PTPRT: variants seen among roughly 807,000 people sequenced by gnomAD.
PTPRT encodes the protein protein tyrosine phosphatase receptor type T, also known as receptor-type tyrosine-protein phosphatase T.
A neutral mutation model predicts 176.8 loss-of-function variants in PTPRT; 56 were observed. The observed-to-expected ratio is 0.32, with a 90% CI of 0.26 to 0.40. The LOEUF (loss-of-function observed/expected upper bound fraction) is 0.40. PTPRT is among the 10% of genes least tolerant of loss of function. The pLI, the probability that PTPRT is intolerant of heterozygous loss-of-function variation, is 1.00. For synonymous variants in PTPRT, 783 were observed against 739.0 expected, an observed-to-expected ratio of 1.06 and a Z score of -0.96; for missense variants, 1,540 against 1,908.2, an observed-to-expected ratio of 0.81 and a Z score of 3.60.
chr20:42,544,317 A>G (rs1038855601), intron 7 of PTPRT, among the ~76,000 whole-genome samples: 1 of 152,126 alleles, frequency 6.6e-6, no homozygotes, highest in African/African-American at 2.4e-5. Context: ...TTCACCTTAC[A>G]CTTCTGTTAT....
At chr20:42,555,237 T>C (rs1440866581) in intron 7 of PTPRT, among the ~76,000 whole-genome samples, 1 of 152,206 alleles carries the variant, frequency 6.6e-6, no homozygotes, top group African/African-American at 2.4e-5. Flanking sequence ...ACATCATCCA[T>C]TGTTTATCTT....
chr20:42,375,430 A>G (rs1040099175), intron 9 of PTPRT, among the ~76,000 whole-genome samples: 1 of 152,144 alleles, frequency 6.6e-6, no homozygotes, highest in African/African-American at 2.4e-5. Flanking sequence ...TGGTTTTGCC[A>G]TCGTAAAAGG....
chr20:42,472,131 A>C, intron 8 of PTPRT, 135 bp downstream of exon 8: 2 of 990,790 alleles, frequency 2.0e-6, no homozygotes, highest in Non-Finnish European at 2.9e-6. Flanking sequence ...TCCTTCATTG[A>C]AGGCCTAAGA....
At chr20:42,594,272 C>T (rs944415833) in intron 7 of PTPRT, among the ~76,000 whole-genome samples, 4 of 152,122 alleles carry the variant, frequency 2.6e-5, no homozygotes. Context: ...CGCTGTCAAT[C>T]CAGATCCTGT....
chr20:42,816,531 A>G (rs2077789333), intron 2 of PTPRT, among the ~76,000 whole-genome samples: 1 of 152,174 alleles, frequency 6.6e-6, no homozygotes. Flanking sequence ...TAATCCCCAC[A>G]TGTCGAGGAA....
At position 42,140,717 on chromosome 20, in the gene PTPRT, C is replaced by T. The variant is rs796993914; in HGVS notation, c.2770+1198G>A. The stretch of plus-strand genomic sequence containing the variant: ...CAAAATGGACATCTGATCATGCCCA[C>T]CTCTCCCCAACCAACCTGCCTTATT... On this transcript the variant is annotated intron_variant, in intron 18 of 30. Coordinates refer to ENST00000373187, the MANE Select transcript of PTPRT (RefSeq NM_007050.6). Among the ~76,000 whole-genome samples, 99 of 152,254 alleles carry T rather than the reference C, an allele frequency of 6.5e-4. 1 individual carries two copies. Among genetic ancestry groups the T allele is most frequent in the African/African-American group, 2.3e-3 (97 of 41,556 alleles).
intron 12 of PTPRT, among the ~76,000 whole-genome samples, chr20:42,286,090 A>G (rs991654547): frequency 1.3e-5 from 2 of 152,032 alleles, no homozygotes; most frequent in Non-Finnish European, 2.9e-5. Context: ...TTGAAGGGAA[A>G]CAAATAGAAA....
chr20:42,455,199 G>GA (rs1435027798), intron 8 of PTPRT, among the ~76,000 whole-genome samples: 2 of 152,114 alleles, frequency 1.3e-5, no homozygotes, highest in Non-Finnish European at 2.9e-5. Flanking sequence ...AAGCAAAAAA[G>GA]AAAAATACTA....
intron 15 of PTPRT, among the ~76,000 whole-genome samples, chr20:42,211,899 A>G (rs918582256): frequency 4.0e-5 from 6 of 151,530 alleles, no homozygotes; most frequent in African/African-American, 1.5e-4. Context: ...AACCAACCCA[A>G]ATGTCCAACA....
At chr20:42,419,931 A>G (rs1407528857) in intron 9 of PTPRT, among the ~76,000 whole-genome samples, 1 of 152,192 alleles carries the variant, frequency 6.6e-6, no homozygotes, top group Admixed American at 6.5e-5. Flanking sequence ...GGAGCAATGC[A>G]GCCACAAGCC....
At chr20:43,170,169 T>C (rs562748013) in intron 1 of PTPRT, among the ~76,000 whole-genome samples, 111 of 149,378 alleles carry the variant, frequency 7.4e-4, no homozygotes, top group Non-Finnish European at 1.4e-3. Context: ...ATACTCGATA[T>C]ATATACGGGG....
intron 12 of PTPRT, among the ~76,000 whole-genome samples, chr20:42,297,505 T>C (rs908891718): frequency 6.6e-6 from 1 of 152,298 alleles, no homozygotes; most frequent in Admixed American, 6.5e-5. Context: ...GAATTACTAA[T>C]AGACTTTTTA....
chr20:42,252,453 G>T (rs2056563515), intron 13 of PTPRT, among the ~76,000 whole-genome samples: 1 of 152,162 alleles, frequency 6.6e-6, no homozygotes, highest in African/African-American at 2.4e-5. Flanking sequence ...AGACTTGAGG[G>T]TCTGCAGTAT....
intron 7 of PTPRT, among the ~76,000 whole-genome samples, chr20:42,603,397 G>A (rs2057071): frequency 0.17 from 25,599 of 152,078 alleles, 5,898 homozygotes; most frequent in African/African-American, 0.52. Flanking sequence ...TTAGACAAAG[G>A]AAATGACAAG....
rs1411694672 is a variant in PTPRT at position 42,827,661 on chromosome 20, T to C, written c.215-36195A>G. Reference sequence around the variant, plus strand: ...TAGTTCTCATAATCCCCACATGTCATGGGAGGGACCTGGTGGGAGGTAATT... The same window carrying C: ...TAGTTCTCATAATCCCCACATGTCACGGGAGGGACCTGGTGGGAGGTAATT... On this transcript the variant is annotated intron_variant, in intron 2 of 30. Transcript: ENST00000373187. Among the ~76,000 whole-genome samples the C allele has an allele frequency of 2.6e-5, 4 of 152,168 alleles. No homozygotes were observed. In the East Asian group the frequency reaches 7.7e-4, roughly 29 times the overall value.
At chr20:42,785,581 T>C (rs1238315739) in intron 3 of PTPRT, among the ~76,000 whole-genome samples, 1 of 152,188 alleles carries the variant, frequency 6.6e-6, no homozygotes, top group Non-Finnish European at 1.5e-5. Context: ...TCTGCAGTGT[T>C]TGTGGCCAAG....
intron 7 of PTPRT, among the ~76,000 whole-genome samples, chr20:42,647,363 AAAT>A (rs1351548143): frequency 6.6e-6 from 1 of 152,090 alleles, no homozygotes; most frequent in Admixed American, 6.5e-5. Flanking sequence ...AGCATTCAGT[AAAT>A]AATACATGAA....
chr20:42,979,115 C>A (rs751809484), intron 1 of PTPRT, among the ~76,000 whole-genome samples: 1 of 151,946 alleles, frequency 6.6e-6, no homozygotes, highest in Non-Finnish European at 1.5e-5. Context: ...AAAATGGTAC[C>A]TTTATTCTTT....
intron 15 of PTPRT, among the ~76,000 whole-genome samples, chr20:42,204,649 GCT>G (rs1304544060): frequency 6.6e-6 from 1 of 152,186 alleles, no homozygotes; most frequent in Non-Finnish European, 1.5e-5. Flanking sequence ...ATCACTTTGA[GCT>G]CTCTCTGACC....
Sources: allele counts gnomAD v4.1 joint callset (sites outside exome capture counted in the v4.1 genomes callset), GRCh38; gene constraint gnomAD v4.1.1; transcripts MANE v1.5; gene names NCBI Gene and HGNC (gene_info 2026-07-23, HGNC 2026-07-21).